CPNE8: variants seen among roughly 807,000 people sequenced by gnomAD.
CPNE8 encodes copine-8.
A neutral mutation model predicts 81.5 loss-of-function variants in CPNE8; 45 were observed. The ratio of observed to expected loss-of-function variants is 0.55; its 90% CI spans 0.44 to 0.71. CPNE8 has a LOEUF of 0.71. Among genes scored for constraint, CPNE8 ranks in the 30% least tolerant of loss-of-function variants. The pLI is 0.00. For missense variants in CPNE8, 594 were observed against 672.1 expected (o/e 0.88, Z 1.28); for synonymous variants, 252 against 226.3 (o/e 1.11, Z -1.02).
intron 15 of CPNE8, among the ~76,000 whole-genome samples, chr12:38,686,021 T>C (rs929092813): frequency 9.2e-5 from 14 of 152,180 alleles, no homozygotes; most frequent in Non-Finnish European, 2.1e-4. Flanking sequence ...TCTGGGTGGT[T>C]AGATAACTGA....
intron 13 of CPNE8, among the ~76,000 whole-genome samples, chr12:38,709,006 A>G (rs1402719066): frequency 6.6e-6 from 1 of 152,232 alleles, no homozygotes; most frequent in African/African-American, 2.4e-5. Flanking sequence ...AATCTTGACA[A>G]ACAGATTCAC....
chr12:38,723,940 A>G (rs1159330540), intron 12 of CPNE8, 107 bp from the exon 13 acceptor site: 4 of 687,908 alleles, frequency 5.8e-6, no homozygotes, highest in African/African-American at 1.8e-5. Context: ...GAAACTCACT[A>G]AAGATATTAT....
At chr12:38,706,603 AT>A (rs1277627474) in intron 13 of CPNE8, among the ~76,000 whole-genome samples, 10 of 152,312 alleles carry the variant, frequency 6.6e-5, no homozygotes, top group African/African-American at 2.2e-4. Flanking sequence ...ATAACACCTC[AT>A]TAGGAATAAA....
chr12:38,714,495 A>G (rs1248368306), intron 13 of CPNE8, among the ~76,000 whole-genome samples: 4 of 152,066 alleles, frequency 2.6e-5, no homozygotes, highest in Non-Finnish European at 5.9e-5. Context: ...ATAATCCAGA[A>G]GAGACCATCA....
chr12:38,702,868 C>T lies in CPNE8; in HGVS notation c.961+7G>A. ...GATTTTTATCAGGGGATAATCAAAACACTCACCGTTTGATGCTGTAAAATC... is the reference window on the plus strand; with the variant it reads ...GATTTTTATCAGGGGATAATCAAAATACTCACCGTTTGATGCTGTAAAATC... On this transcript the variant is annotated splice_region_variant and intron_variant, in intron 14 of 19. Transcript: ENST00000331366. 6.6e-7 allele frequency: 1 copy of T among 1,525,622 alleles called. No homozygotes were observed. Among genetic ancestry groups the T allele is most frequent in the Non-Finnish European group, 8.9e-7 (1 of 1,127,338 alleles). 94.5% of individuals were successfully genotyped at this position (1,525,622 alleles called of 1,614,324 possible).
intron 6 of CPNE8, among the ~76,000 whole-genome samples, chr12:38,803,664 C>T (rs1205596951): frequency 1.1e-4 from 17 of 149,218 alleles, no homozygotes; most frequent in Admixed American, 4.1e-4. Context: ...CCAGGGCAAT[C>T]AGGCAGGAGA....
intron 6 of CPNE8, among the ~76,000 whole-genome samples, chr12:38,811,885 T>G (rs950327766): frequency 1.3e-5 from 2 of 152,162 alleles, no homozygotes; most frequent in African/African-American, 4.8e-5. Context: ...AAATAATGTA[T>G]GTAGTGCTTA....
intron 6 of CPNE8, among the ~76,000 whole-genome samples, chr12:38,792,476 T>C (rs866573079): frequency 6.6e-6 from 1 of 151,576 alleles, no homozygotes; most frequent in African/African-American, 2.4e-5. Flanking sequence ...TTGAAAAATT[T>C]AGAAGTAATT....
At chr12:38,708,949 G>C (rs1003467867) in intron 13 of CPNE8, among the ~76,000 whole-genome samples, 2 of 152,124 alleles carry the variant, frequency 1.3e-5, no homozygotes, top group African/African-American at 2.4e-5. Flanking sequence ...TGCACAAACT[G>C]AACTTTGTAA....
intron 18 of CPNE8, among the ~76,000 whole-genome samples, chr12:38,675,421 A>G (rs1939266236): frequency 6.6e-6 from 1 of 152,210 alleles, no homozygotes; most frequent in African/African-American, 2.4e-5. Flanking sequence ...CTTAGGAGAT[A>G]TTATTTTGAG....
chr12:38,796,200 G>A (rs923423575), intron 6 of CPNE8, among the ~76,000 whole-genome samples: 4 of 151,986 alleles, frequency 2.6e-5, no homozygotes, highest in Non-Finnish European at 5.9e-5. Flanking sequence ...GGCAAAAGAA[G>A]CACTTGAACT....
At chr12:38,900,697 G>A (rs1436494481) in intron 1 of CPNE8, among the ~76,000 whole-genome samples, 1 of 152,092 alleles carries the variant, frequency 6.6e-6, no homozygotes, top group Non-Finnish European at 1.5e-5. Flanking sequence ...CACACTTTGG[G>A]ACTGTACCTT....
chr12:38,653,716 G>A lies in CPNE8; in HGVS notation c.*166C>T. Reference sequence around the variant, plus strand: ...TGCTCATGCAACAACCATATTTACAGTTTTGGTTTAGGAAGATATTTAAAT... The same window carrying A: ...TGCTCATGCAACAACCATATTTACAATTTTGGTTTAGGAAGATATTTAAAT... On this transcript the variant is annotated 3_prime_UTR_variant, in exon 20 of 20. Transcript: ENST00000331366. The A allele has an allele frequency of 1.0e-6, 1 of 985,988 alleles. No individual in the cohort carries two copies. The allele number at this position is 985,988 out of a possible 1,614,324, so 61.1% of individuals were successfully genotyped here.
intron 19 of CPNE8, among the ~76,000 whole-genome samples, chr12:38,662,919 G>C (rs1324564826): frequency 6.6e-6 from 1 of 152,002 alleles, no homozygotes; most frequent in East Asian, 1.9e-4. Flanking sequence ...AATGGTGCTG[G>C]GATAACTGGA....
At chr12:38,779,452 T>A (rs77329040) in intron 6 of CPNE8, among the ~76,000 whole-genome samples, 2,653 of 152,268 alleles carry the variant, frequency 0.017, 35 homozygotes, top group Non-Finnish European at 0.027. Flanking sequence ...TATATAAACA[T>A]TCACTTTATG....
At chr12:38,864,201 G>T (rs1435554390) in intron 3 of CPNE8, among the ~76,000 whole-genome samples, 5 of 152,144 alleles carry the variant, frequency 3.3e-5, no homozygotes, top group Non-Finnish European at 4.4e-5. Context: ...GCTGTGTAAT[G>T]CTAAGAATAT....
At chr12:38,698,614 T>C (rs1361048030) in intron 14 of CPNE8, among the ~76,000 whole-genome samples, 1 of 152,212 alleles carries the variant, frequency 6.6e-6, no homozygotes. Flanking sequence ...TGCTTTTGCA[T>C]GTGGCTATCC....
At chr12:38,795,258 G>A (rs1942431368) in intron 6 of CPNE8, among the ~76,000 whole-genome samples, 1 of 152,130 alleles carries the variant, frequency 6.6e-6, no homozygotes, top group Non-Finnish European at 1.5e-5. Context: ...TTCCTTTCAT[G>A]TATACATATA....
At chr12:38,862,299 C>A (rs1943849092) in intron 3 of CPNE8, among the ~76,000 whole-genome samples, 1 of 141,806 alleles carries the variant, frequency 7.1e-6, no homozygotes, top group Admixed American at 7.9e-5. Flanking sequence ...CTTATATAAT[C>A]CTGAAGATTA....
Sources: allele counts gnomAD v4.1 joint callset (sites outside exome capture counted in the v4.1 genomes callset), GRCh38; gene constraint gnomAD v4.1.1; transcripts MANE v1.5; gene names NCBI Gene and HGNC (gene_info 2026-07-23, HGNC 2026-07-21).